DLGAP4: variants seen among roughly 807,000 people sequenced by gnomAD.
The protein encoded by DLGAP4 is DLG associated protein 4.
In DLGAP4, 18 loss-of-function variants were observed where a neutral mutation model predicts 86.9. The observed-to-expected ratio is 0.21, with a 90% confidence interval of 0.14 to 0.31. The LOEUF (loss-of-function observed/expected upper bound fraction) is 0.31. Ranked by LOEUF, DLGAP4 falls within the 10% of genes least tolerant of loss-of-function variation. DLGAP4 has a pLI of 1.00. For synonymous variants in DLGAP4, 548 were observed against 574.3 expected (o/e 0.95, Z 0.65); for missense variants, 1,085 against 1,362.6 (o/e 0.80, Z 3.21).
chr20:36,335,397 C>T (rs2147365718), intron 1 of DLGAP4, among the ~76,000 whole-genome samples: 1 of 152,264 alleles, frequency 6.6e-6, no homozygotes, highest in Admixed American at 6.5e-5. Flanking sequence ...ATGGCCGCAG[C>T]CTCTGTTTGC....
chr20:36,507,376 T>C (rs1414222232), intron 10 of DLGAP4, among the ~76,000 whole-genome samples: 1 of 152,082 alleles, frequency 6.6e-6, no homozygotes, highest in Admixed American at 6.6e-5. Context: ...TACAGGCACA[T>C]GCCACCACGT....
At chr20:36,387,686 G>A (rs1404212780) in intron 2 of DLGAP4, among the ~76,000 whole-genome samples, 2 of 152,200 alleles carry the variant, frequency 1.3e-5, no homozygotes, top group Non-Finnish European at 2.9e-5. Flanking sequence ...CATGCGGTGT[G>A]AAATAGGGAT....
intron 4 of DLGAP4, among the ~76,000 whole-genome samples, chr20:36,438,396 A>AAT (rs1231323529): frequency 1.3e-5 from 2 of 148,992 alleles, no homozygotes; most frequent in Admixed American, 6.8e-5. Context: ...ATATATATAT[A>AAT]ATATATATGT....
intron 8 of DLGAP4, chr20:36,499,240 A>G (rs1177149756): frequency 6.2e-7 from 1 of 1,611,420 alleles, no homozygotes; most frequent in Non-Finnish European, 8.5e-7. Flanking sequence ...ATGCGTGTGA[A>G]GGAGAGGACT....
chr20:36,450,639 C>T (rs1296565794), intron 7 of DLGAP4, among the ~76,000 whole-genome samples: 1 of 152,158 alleles, frequency 6.6e-6, no homozygotes, highest in Admixed American at 6.5e-5. Flanking sequence ...TTGGATCAGA[C>T]TCTTATGATC....
chr20:36,504,658 T>C (rs1183002683), intron 10 of DLGAP4, among the ~76,000 whole-genome samples: 1 of 152,194 alleles, frequency 6.6e-6, no homozygotes, highest in Non-Finnish European at 1.5e-5. Context: ...CCAACACCTG[T>C]TATCTTCTGT....
chr20:36,524,311 G>A lies in DLGAP4; in HGVS notation c.2574G>A (p.Gln858=), dbSNP rs146956525. The A allele has an allele frequency of 3.7e-6, 6 of 1,613,894 alleles. No individual in the cohort carries two copies. The highest frequency in any genetic ancestry group is 5.1e-6 in the Non-Finnish European group (6 of 1,179,974). ...SAQLLMSQKF[Q]QFRGLCEQNL... ...AGCTACTGATGTCCCAGAAATTCCA[G>A]CAGTTCCGGGGCCTCTGTGAGCAAA... The change falls in exon 11 of 13, where the codon CAG becomes CAA. Residue 858 remains glutamine, a synonymous_variant. Coordinates refer to ENST00000339266, the MANE Select transcript of DLGAP4 (RefSeq NM_001365621.2).
chr20:36,320,530 C>T (rs970901666), intron 1 of DLGAP4, among the ~76,000 whole-genome samples: 6 of 152,122 alleles, frequency 3.9e-5, no homozygotes, highest in South Asian at 2.1e-4. Context: ...TGCAGGCCTG[C>T]GTCATGCCCC....
rs1295854275 is a variant in DLGAP4 at position 36,319,953 on chromosome 20, C to T, written c.-304+13441C>T. ...AACTTGGATTCAAGGCCCCCTCCCC[C>T]GGGCCTCCCTCTGCGTCCCACTCCC... On this transcript the variant is annotated intron_variant, in intron 1 of 12. Transcript: ENST00000339266. 5.9e-5 allele frequency among the ~76,000 whole-genome samples: 9 copies of T among 151,872 alleles called. No homozygotes were observed. In the South Asian group the frequency reaches 1.2e-3, roughly 21 times the overall value.
intron 1 of DLGAP4, among the ~76,000 whole-genome samples, chr20:36,323,887 G>C (rs140362016): frequency 9.7e-4 from 147 of 152,330 alleles, no homozygotes; most frequent in African/African-American, 3.4e-3. Flanking sequence ...AGCTCAGGCG[G>C]TAAAGCTGGC....
At chr20:36,440,658 G>A (rs1186955878) in intron 5 of DLGAP4, among the ~76,000 whole-genome samples, 2 of 152,082 alleles carry the variant, frequency 1.3e-5, no homozygotes, top group African/African-American at 4.8e-5. Flanking sequence ...GGGATCTGGG[G>A]CTGTCCAGCC....
At chr20:36,446,512 G>C (rs1363195899) in intron 6 of DLGAP4, among the ~76,000 whole-genome samples, 185 bp from the exon 7 acceptor site, 1 of 152,194 alleles carries the variant, frequency 6.6e-6, no homozygotes, top group Non-Finnish European at 1.5e-5. Flanking sequence ...GGCCCAGAGA[G>C]GTAGGACTGT....
intron 11 of DLGAP4, 104 bp downstream of exon 11, chr20:36,524,445 A>G: frequency 1.1e-6 from 1 of 922,006 alleles, no homozygotes; most frequent in Non-Finnish European, 1.6e-6. Flanking sequence ...TGTAACACAC[A>G]CAGCGCGGCT....
chr20:36,474,816 A>G (rs2034836568), intron 7 of DLGAP4, among the ~76,000 whole-genome samples: 1 of 152,308 alleles, frequency 6.6e-6, no homozygotes, highest in Non-Finnish European at 1.5e-5. Context: ...TTTCCAAACA[A>G]TCAGCCATTC....
chr20:36,420,377 C>T (rs1289733916), intron 2 of DLGAP4, among the ~76,000 whole-genome samples: 1 of 152,072 alleles, frequency 6.6e-6, no homozygotes, highest in Non-Finnish European at 1.5e-5. Flanking sequence ...GCCTGTGAGC[C>T]AAGTCCTGAA....
At chr20:36,497,157 T>C (rs972532687) in intron 8 of DLGAP4, 91 bp downstream of exon 8, 66 of 1,505,606 alleles carry the variant, frequency 4.4e-5, no homozygotes, top group Non-Finnish European at 5.3e-5. Flanking sequence ...CTAGGTCTCC[T>C]GGGAAAAGGT....
chr20:36,525,187 A>C (rs1425705103), intron 11 of DLGAP4, among the ~76,000 whole-genome samples: 1 of 128,346 alleles, frequency 7.8e-6, no homozygotes, highest in Admixed American at 9.6e-5. Flanking sequence ...CACTGCATCC[A>C]GCCTGGGTGA....
intron 2 of DLGAP4, among the ~76,000 whole-genome samples, chr20:36,396,249 T>C (rs2031945005): frequency 6.8e-6 from 1 of 146,984 alleles, no homozygotes. Flanking sequence ...TTGACCGGCT[T>C]GAGACCTCTT....
At chr20:36,480,603 C>T (rs932763207) in intron 7 of DLGAP4, among the ~76,000 whole-genome samples, 2 of 152,024 alleles carry the variant, frequency 1.3e-5, no homozygotes, top group South Asian at 2.1e-4. Context: ...CCTAGCTACT[C>T]GGGAGGCTGA....
Sources: allele counts gnomAD v4.1 joint callset (sites outside exome capture counted in the v4.1 genomes callset), GRCh38; gene constraint gnomAD v4.1.1; transcripts MANE v1.5; gene names NCBI Gene and HGNC (gene_info 2026-07-23, HGNC 2026-07-21).